SPAG16: variants seen among roughly 807,000 people sequenced by gnomAD.
SPAG16 encodes sperm associated antigen 16.
A neutral mutation model predicts 80.4 loss-of-function variants in SPAG16; 86 were observed. The ratio of observed to expected loss-of-function variants is 1.07; its 90% CI spans 0.90 to 1.28. The LOEUF is 1.28. SPAG16 is among the 50% of genes most tolerant of loss of function. SPAG16 has a pLI of 0.00. For synonymous variants in SPAG16, 294 were observed against 265.9 expected, an observed-to-expected ratio of 1.11 and a Z score of -1.03; for missense variants, 870 against 765.3, an observed-to-expected ratio of 1.14 and a Z score of -1.61.
chr2:213,379,462 C>A (rs962282854), intron 9 of SPAG16, among the ~76,000 whole-genome samples: 6 of 152,152 alleles, frequency 3.9e-5, no homozygotes, highest in Non-Finnish European at 7.3e-5. Context: ...AGCATGAGCC[C>A]CATGCTGCAC....
chr2:213,625,788 A>G (rs1230800315), intron 10 of SPAG16, among the ~76,000 whole-genome samples: 3 of 152,018 alleles, frequency 2.0e-5, no homozygotes, highest in African/African-American at 7.3e-5. Flanking sequence ...GGTGAGTTCG[A>G]GTGATTCTCC....
At chr2:214,372,839 A>G (rs909020215) in intron 15 of SPAG16, among the ~76,000 whole-genome samples, 1 of 152,170 alleles carries the variant, frequency 6.6e-6, no homozygotes, top group Non-Finnish European at 1.5e-5. Context: ...CCCCACCCCA[A>G]ATAAATGCCA....
At chr2:214,399,774 A>G (rs773323170) in intron 15 of SPAG16, among the ~76,000 whole-genome samples, 3 of 152,070 alleles carry the variant, frequency 2.0e-5, no homozygotes, top group African/African-American at 4.8e-5. Context: ...AGAATATATC[A>G]TAGTCTATGA....
chr2:213,588,447 T>A (rs2060544491), intron 10 of SPAG16, among the ~76,000 whole-genome samples: 2 of 149,542 alleles, frequency 1.3e-5, no homozygotes, highest in African/African-American at 5.1e-5. Flanking sequence ...CTCATTTATT[T>A]GTGATTTTTT....
intron 10 of SPAG16, among the ~76,000 whole-genome samples, chr2:213,686,838 C>A (rs1215830670): frequency 6.6e-6 from 1 of 151,836 alleles, no homozygotes; most frequent in Non-Finnish European, 1.5e-5. Context: ...CGCGTGCCAC[C>A]ACACCTGGCT....
At chr2:213,852,541 A>T (rs1223156534) in intron 10 of SPAG16, among the ~76,000 whole-genome samples, 1 of 151,944 alleles carries the variant, frequency 6.6e-6, no homozygotes, top group Non-Finnish European at 1.5e-5. Context: ...CCTTGAGTGC[A>T]CCACCTCCTT....
intron 10 of SPAG16, among the ~76,000 whole-genome samples, chr2:213,660,143 A>G (rs1051294489): frequency 2.0e-4 from 31 of 152,182 alleles, no homozygotes; most frequent in African/African-American, 7.2e-4. Context: ...GCAAAGAAAT[A>G]TGGCAAAAGG....
At chr2:214,185,109 A>G (rs2057426519) in intron 15 of SPAG16, among the ~76,000 whole-genome samples, 1 of 152,124 alleles carries the variant, frequency 6.6e-6, no homozygotes, top group Non-Finnish European at 1.5e-5. Flanking sequence ...TGAAAAAAAT[A>G]GGCTTATTTG....
At chr2:214,358,683 G>A (rs1040082554) in intron 15 of SPAG16, among the ~76,000 whole-genome samples, 3 of 151,820 alleles carry the variant, frequency 2.0e-5, no homozygotes, top group Admixed American at 2.0e-4. Context: ...GCAGTCTTCT[G>A]TACTCTAGTG....
intron 15 of SPAG16, among the ~76,000 whole-genome samples, chr2:214,371,265 G>T (rs904993665): frequency 1.3e-5 from 2 of 152,120 alleles, no homozygotes; most frequent in South Asian, 2.1e-4. Flanking sequence ...GGGCGCAGTG[G>T]TTCACACCTG....
intron 12 of SPAG16, among the ~76,000 whole-genome samples, chr2:213,955,327 A>G (rs77754343): frequency 2.0e-5 from 3 of 152,114 alleles, no homozygotes; most frequent in African/African-American, 7.2e-5. Context: ...ATTTAGGTCT[A>G]TGATCCATTT....
intron 13 of SPAG16, among the ~76,000 whole-genome samples, chr2:214,103,726 G>A (rs1314656189): frequency 6.6e-6 from 1 of 152,100 alleles, no homozygotes; most frequent in Non-Finnish European, 1.5e-5. Flanking sequence ...GGAGTTGTCT[G>A]GATCAGATAT....
chr2:213,918,866 G>T (rs1015231885), intron 11 of SPAG16, among the ~76,000 whole-genome samples: 5 of 152,072 alleles, frequency 3.3e-5, no homozygotes, highest in Non-Finnish European at 5.9e-5. Context: ...TCTTGGGAGG[G>T]TGTATGTGTC....
intron 15 of SPAG16, among the ~76,000 whole-genome samples, chr2:214,276,681 C>A (rs945550544): frequency 2.0e-5 from 3 of 152,134 alleles, no homozygotes; most frequent in Non-Finnish European, 1.5e-5. Flanking sequence ...TGATAGTTAC[C>A]CTTTGTGGGT....
rs10694178 is a variant in SPAG16 at position 214,222,110 on chromosome 2, C to CTTTTTTT, written c.1720+72861_1720+72867dup. Among the ~76,000 whole-genome samples the CTTTTTTT allele has an allele frequency of 6.6e-3, 679 of 103,374 alleles. 4 individuals are homozygous for CTTTTTTT. Among genetic ancestry groups the CTTTTTTT allele is most frequent in the Middle Eastern group, 0.016 (2 of 126 alleles). 67.8% of individuals were successfully genotyped at this position (103,374 alleles called of 152,430 possible). On this transcript the variant is annotated intron_variant, in intron 15 of 15. Coordinates refer to ENST00000331683, the MANE Select transcript of SPAG16 (RefSeq NM_024532.5). The stretch of plus-strand genomic sequence containing the variant: ...TTGAGAAATTAGTTTCCTTGCTATT[C>CTTTTTTT]TTTTTTTTTTTTTTTTTTTTTTTGA...
intron 10 of SPAG16, among the ~76,000 whole-genome samples, chr2:213,705,786 TTTG>T (rs10525863): frequency 0.69 from 88,482 of 127,558 alleles, 26,737 homozygotes; most frequent in South Asian, 0.76. Context: ...TGGTGGAGGG[TTTG>T]TTGTTGTTGT....
intron 9 of SPAG16, among the ~76,000 whole-genome samples, chr2:213,380,004 C>A (rs2125234493): frequency 6.6e-6 from 1 of 152,306 alleles, no homozygotes; most frequent in Admixed American, 6.5e-5. Flanking sequence ...ACACGGAATA[C>A]AAATGTCTTC....
At chr2:214,334,264 G>A (rs1056749616) in intron 15 of SPAG16, among the ~76,000 whole-genome samples, 2 of 152,176 alleles carry the variant, frequency 1.3e-5, no homozygotes, top group Admixed American at 1.3e-4. Flanking sequence ...AGATCCTGAG[G>A]GGGGCACATA....
chr2:213,755,791 AGCACT>A (rs2068297757), intron 10 of SPAG16, among the ~76,000 whole-genome samples: 3 of 152,202 alleles, frequency 2.0e-5, no homozygotes, highest in Admixed American at 2.0e-4. Flanking sequence ...TATACCCAAG[AGCACT>A]GCATGAGATA....
Sources: allele counts gnomAD v4.1 joint callset (sites outside exome capture counted in the v4.1 genomes callset), GRCh38; gene constraint gnomAD v4.1.1; transcripts MANE v1.5; gene names NCBI Gene and HGNC (gene_info 2026-07-23, HGNC 2026-07-21).